Variants in KIF18A observed in about 807,000 individuals in gnomAD.
The protein encoded by KIF18A is kinesin family member 18A.
A neutral mutation model predicts 103.3 loss-of-function variants in KIF18A; 67 were observed. The observed-to-expected ratio is 0.65, with a 90% confidence interval of 0.53 to 0.79. The LOEUF (loss-of-function observed/expected upper bound fraction) is 0.79. Ranked by LOEUF, KIF18A falls within the 30% of genes least tolerant of loss-of-function variation. KIF18A has a pLI of 0.00. For missense variants in KIF18A, 1,032 were observed against 1,062.5 expected (o/e 0.97, Z 0.40); for synonymous variants, 367 against 355.5 (o/e 1.03, Z -0.36).
At chr11:28,023,534 A>G (rs1850272353) in intron 16 of KIF18A, among the ~76,000 whole-genome samples, 1 of 152,206 alleles carries the variant, frequency 6.6e-6, no homozygotes, top group Non-Finnish European at 1.5e-5. Context: ...GGCTCTACCA[A>G]TATAATATCT....
chr11:28,070,105 C>A (rs1426659654), intron 10 of KIF18A, among the ~76,000 whole-genome samples: 1 of 151,948 alleles, frequency 6.6e-6, no homozygotes, highest in African/African-American at 2.4e-5. Flanking sequence ...GGGTATTTGC[C>A]CACAGACACT....
chr11:28,021,305 C>A, intron 16 of KIF18A, 23 bp from the exon 17 acceptor site: 1 of 1,356,416 alleles, frequency 7.4e-7, no homozygotes, highest in South Asian at 1.7e-5. Context: ...TAAAAAGATG[C>A]ATAAATATGG....
intron 2 of KIF18A, among the ~76,000 whole-genome samples, chr11:28,095,100 T>C (rs1385539997): frequency 6.6e-6 from 1 of 152,228 alleles, no homozygotes; most frequent in East Asian, 1.9e-4. Flanking sequence ...TTCTTTATCC[T>C]TTGCAATTTG....
At chr11:28,100,174 G>A (rs531868036) in intron 1 of KIF18A, among the ~76,000 whole-genome samples, 4 of 152,168 alleles carry the variant, frequency 2.6e-5, no homozygotes, top group Non-Finnish European at 4.4e-5. Flanking sequence ...TCAGCAGGGC[G>A]GGAAGTGGTG....
rs1850491020 is a variant in KIF18A at position 28,036,399 on chromosome 11, G to A, written c.2214C>T (p.Asn738=). Residue 738 remains asparagine, a synonymous_variant, in exon 14 of 17, where the codon AAC becomes AAT. Coordinates refer to ENST00000263181, the MANE Select transcript of KIF18A (RefSeq NM_031217.4). ...TTTTCAGACAATTATCACTGTTTAT[G>A]TTTGAGCTGATAGCCTGAAAACTTG... ...FTTSFQAISS[N]INSDNCLKML... is the part of the protein sequence containing the mutation. 1.9e-6 allele frequency: 3 copies of A among 1,611,134 alleles called. No individual in the cohort carries two copies. The highest frequency in any genetic ancestry group is 1.7e-6 in the Non-Finnish European group (2 of 1,178,168).
chr11:28,077,274 G>A, intron 9 of KIF18A, 105 bp from the exon 10 acceptor site: 1 of 686,492 alleles, frequency 1.5e-6, no homozygotes, highest in Non-Finnish European at 2.3e-6. Context: ...GTAATTCACA[G>A]AACTACACTC....
intron 11 of KIF18A, 103 bp downstream of exon 11, chr11:28,069,156 A>G (rs1001775430): frequency 2.3e-6 from 2 of 853,414 alleles, no homozygotes; most frequent in Admixed American, 2.3e-5. Flanking sequence ...TTATGAGGCA[A>G]TAATAGTTGT....
At chr11:28,082,781 ATAAT>A (rs1334446206) in intron 9 of KIF18A, 71 bp downstream of exon 9, 4 of 841,262 alleles carry the variant, frequency 4.8e-6, no homozygotes, top group African/African-American at 1.7e-5. Context: ...ATAACAAATG[ATAAT>A]TAACATAAAA....
At chr11:28,102,606 A>G (rs1825371) in intron 1 of KIF18A, among the ~76,000 whole-genome samples, 151,860 of 152,290 alleles carry the variant, frequency 1, 75,716 homozygotes, top group Middle Eastern at 1. Flanking sequence ...AGTCAATAGA[A>G]TTTAAGTATA....
rs1590702990 is a variant in KIF18A, at chr11:28,083,146, C to A, written c.1149+23G>T. On this transcript the variant is annotated intron_variant, in intron 8 of 16. Transcript: ENST00000263181. ...TAAATGAAGAACTGCGCAAGACTAG[C>A]ATAAAAATATAAACAGACATACCTC... 1.9e-6 allele frequency: 3 copies of A among 1,571,678 alleles called. No homozygotes were observed. The Admixed American group carries it at 6.4e-5, about 33-fold the overall frequency.
At chr11:28,058,864 A>C in intron 13 of KIF18A, 62 bp downstream of exon 13, 1 of 1,202,222 alleles carries the variant, frequency 8.3e-7, no homozygotes. Context: ...CTATAGATTG[A>C]TATACAAAGG....
At chr11:28,049,770 A>G (rs536716655) in intron 13 of KIF18A, among the ~76,000 whole-genome samples, 4 of 152,050 alleles carry the variant, frequency 2.6e-5, no homozygotes, top group Non-Finnish European at 5.9e-5. Flanking sequence ...CAAATGATTG[A>G]TACAATTAGT....
chr11:28,103,924 G>C (rs1342513515), intron 1 of KIF18A, among the ~76,000 whole-genome samples: 1 of 152,048 alleles, frequency 6.6e-6, no homozygotes. Flanking sequence ...CATTAAGTGT[G>C]GTTAAAATAC....
intron 13 of KIF18A, among the ~76,000 whole-genome samples, chr11:28,042,976 C>T (rs1850580684): frequency 1.3e-5 from 2 of 151,672 alleles, no homozygotes; most frequent in Non-Finnish European, 2.9e-5. Context: ...TCAGTGCTAT[C>T]CCAAGGAGTT....
Position 28,094,685 on chromosome 11 carries a change from A to G in KIF18A, c.441T>C (p.Ile147=), listed in dbSNP as rs770016652. 1.7e-5 allele frequency: 27 copies of G among 1,612,366 alleles called. No individual in the cohort carries two copies. The Admixed American group carries it at 4.5e-4, about 27-fold the overall frequency. Residue 147 remains isoleucine (I), a synonymous_variant, in exon 3 of 17, where the codon ATT becomes ATC. Transcript: ENST00000263181. ...MLHLYKCMDE[I]KEEKICSTAV... Reference sequence around the variant, plus strand: ...CAGTACTACATATTTTCTCTTCTTTAATCTCATCCATGCATTTGTAAAGGT... The same window carrying G: ...CAGTACTACATATTTTCTCTTCTTTGATCTCATCCATGCATTTGTAAAGGT...
chr11:28,091,556 A>G (rs1411659685), intron 3 of KIF18A, 43 bp from the exon 4 acceptor site: 1 of 1,070,400 alleles, frequency 9.3e-7, no homozygotes. Flanking sequence ...GTAAAAAAAA[A>G]AAATGGTGAT....
chr11:28,070,295 CAA>C (rs1020266415), intron 10 of KIF18A, among the ~76,000 whole-genome samples: 11 of 152,076 alleles, frequency 7.2e-5, no homozygotes, highest in Non-Finnish European at 1.5e-5. Flanking sequence ...TTAATTTTGA[CAA>C]AAGATGTACT....
intron 10 of KIF18A, 90 bp from the exon 11 acceptor site, chr11:28,069,513 C>A: frequency 8.2e-7 from 1 of 1,221,272 alleles, no homozygotes. Context: ...CTTATGTGTA[C>A]TATTGTAGTA....
chr11:28,068,897 T>C (rs1042166120), intron 11 of KIF18A, among the ~76,000 whole-genome samples: 1 of 152,204 alleles, frequency 6.6e-6, no homozygotes, highest in Non-Finnish European at 1.5e-5. Flanking sequence ...TTTGCCATTC[T>C]AAGGTGGAAT....
Sources: allele counts gnomAD v4.1 joint callset (sites outside exome capture counted in the v4.1 genomes callset), GRCh38; gene constraint gnomAD v4.1.1; transcripts MANE v1.5; gene names NCBI Gene and HGNC (gene_info 2026-07-23, HGNC 2026-07-21).